Variants in MACROD2 observed in about 807,000 individuals in gnomAD.
MACROD2 encodes mono-ADP ribosylhydrolase 2.
A neutral mutation model predicts 70.4 loss-of-function variants in MACROD2; 36 were observed. That is an observed-to-expected ratio of 0.51 (90% CI 0.39 to 0.68). The LOEUF is 0.68. MACROD2 is among the 30% of genes least tolerant of loss of function. The pLI, the probability that MACROD2 is intolerant of heterozygous loss-of-function variation, is 0.00. For synonymous variants in MACROD2, 172 were observed against 178.8 expected (o/e 0.96, Z 0.30); for missense variants, 496 against 538.4 (o/e 0.92, Z 0.78).
At chr20:15,699,193 T>G (rs1384753930) in intron 8 of MACROD2, among the ~76,000 whole-genome samples, 1 of 152,198 alleles carries the variant, frequency 6.6e-6, no homozygotes, top group Admixed American at 6.5e-5. Flanking sequence ...TTCTGGTTCC[T>G]TCTCTGGGTA....
At chr20:15,572,522 T>C (rs1244996710) in intron 8 of MACROD2, among the ~76,000 whole-genome samples, 1 of 152,152 alleles carries the variant, frequency 6.6e-6, no homozygotes, top group Non-Finnish European at 1.5e-5. Context: ...TAAGAACTGC[T>C]GGTAAATTTA....
chr20:14,972,821 A>G (rs1157095089), intron 5 of MACROD2, among the ~76,000 whole-genome samples: 1 of 152,170 alleles, frequency 6.6e-6, no homozygotes, highest in Non-Finnish European at 1.5e-5. Flanking sequence ...ATTTAGCTTG[A>G]CACAGCTGAT....
At chr20:14,873,215 A>G (rs956088783) in intron 5 of MACROD2, among the ~76,000 whole-genome samples, 2 of 152,202 alleles carry the variant, frequency 1.3e-5, no homozygotes, top group African/African-American at 4.8e-5. Context: ...ACATGTTTTT[A>G]TCATCTAAAC....
In MACROD2 at chr20:14,684,976, A is replaced by G; in HGVS notation, c.418+17A>G. 1.3e-6 allele frequency: 2 copies of G among 1,586,488 alleles called. No homozygotes were observed. Among genetic ancestry groups the G allele is most frequent in the Non-Finnish European group, 1.7e-6 (2 of 1,155,392 alleles). Reference sequence around the variant, plus strand: ...CTGCAAAATGTGAGTACAACTGAATACTGTTTCAAAACCAGATGAGACATC... The same window carrying G: ...CTGCAAAATGTGAGTACAACTGAATGCTGTTTCAAAACCAGATGAGACATC... On this transcript the variant is annotated intron_variant, in intron 5 of 17. Coordinates refer to ENST00000684519, the MANE Select transcript of MACROD2 (RefSeq NM_001351661.2).
intron 8 of MACROD2, among the ~76,000 whole-genome samples, chr20:15,788,821 G>A (rs1600893697): frequency 6.6e-6 from 1 of 152,092 alleles, no homozygotes; most frequent in Non-Finnish European, 1.5e-5. Context: ...TATTATGAGG[G>A]CGTTTTAAAC....
intron 8 of MACROD2, among the ~76,000 whole-genome samples, chr20:15,553,443 A>G (rs1038012906): frequency 2.6e-5 from 4 of 152,174 alleles, no homozygotes; most frequent in African/African-American, 9.6e-5. Context: ...TTTGTTCGAG[A>G]TAGAGTCTCA....
At chr20:14,587,053 G>C (rs568728987) in intron 4 of MACROD2, among the ~76,000 whole-genome samples, 1 of 151,730 alleles carries the variant, frequency 6.6e-6, no homozygotes, top group East Asian at 1.9e-4. Context: ...ATAATATCAG[G>C]TTTTATTATT....
chr20:14,164,026 T>C (rs1418877322), intron 3 of MACROD2, among the ~76,000 whole-genome samples: 1 of 152,144 alleles, frequency 6.6e-6, no homozygotes, highest in Non-Finnish European at 1.5e-5. Context: ...TCATGTTTCA[T>C]GTGTCCTTAT....
chr20:15,707,303 G>A (rs1159054862), intron 8 of MACROD2, among the ~76,000 whole-genome samples: 3 of 152,146 alleles, frequency 2.0e-5, no homozygotes, highest in African/African-American at 7.2e-5. Flanking sequence ...TGTAACTAAA[G>A]TCCTGATAAC....
intron 5 of MACROD2, among the ~76,000 whole-genome samples, chr20:15,180,573 G>A (rs1170542935): frequency 6.6e-6 from 1 of 152,156 alleles, no homozygotes; most frequent in Non-Finnish European, 1.5e-5. Context: ...ATGTCACTGG[G>A]CCTTTGCATG....
chr20:16,035,586 G>T (rs1324161427), intron 15 of MACROD2, among the ~76,000 whole-genome samples: 1 of 151,942 alleles, frequency 6.6e-6, no homozygotes, highest in Non-Finnish European at 1.5e-5. Context: ...TAATTTCTAT[G>T]GGACAAAATT....
chr20:14,844,474 G>A (rs190120608), intron 5 of MACROD2, among the ~76,000 whole-genome samples: 8 of 151,714 alleles, frequency 5.3e-5, no homozygotes, highest in African/African-American at 7.3e-5. Context: ...CCAAGATGGC[G>A]CCACTGCACT....
intron 3 of MACROD2, among the ~76,000 whole-genome samples, chr20:14,226,945 C>A (rs558289370): frequency 6.6e-6 from 1 of 152,346 alleles, no homozygotes; most frequent in Admixed American, 6.5e-5. Context: ...GTGCAGGATC[C>A]ACTGGGCGAA....
rs528897057 is a variant in MACROD2, at chr20:15,885,635, G to A, written c.728-129G>A. The A allele has an allele frequency of 9.6e-6, 8 of 834,880 alleles. No individual in the cohort carries two copies. The South Asian group carries it at 2.2e-4, about 23-fold the overall frequency. 51.7% of individuals were successfully genotyped at this position (834,880 alleles called of 1,614,324 possible). ...TAATAATAAGACAACAGAAATGCATGTTTTAACAGTCTGTTTTCTACTGAT... is the reference window on the plus strand; with the variant it reads ...TAATAATAAGACAACAGAAATGCATATTTTAACAGTCTGTTTTCTACTGAT... On this transcript the variant is annotated intron_variant, in intron 9 of 17. Coordinates refer to ENST00000684519, the MANE Select transcript of MACROD2 (RefSeq NM_001351661.2).
chr20:15,317,399 A>G (rs6079748), intron 6 of MACROD2, among the ~76,000 whole-genome samples: 5,412 of 152,074 alleles, frequency 0.036, 130 homozygotes, highest in South Asian at 0.099. Context: ...ATGTAGCAAA[A>G]CTGACTCAAG....
chr20:15,340,208 G>A (rs1244727612), intron 6 of MACROD2, among the ~76,000 whole-genome samples: 33 of 131,184 alleles, frequency 2.5e-4, no homozygotes, highest in Non-Finnish European at 3.1e-4. Context: ...GCATGATCTC[G>A]GCTCACTGCA....
chr20:14,628,009 C>T (rs143833464), intron 4 of MACROD2, among the ~76,000 whole-genome samples: 1 of 152,132 alleles, frequency 6.6e-6, no homozygotes, highest in Non-Finnish European at 1.5e-5. Flanking sequence ...CAGAGCAACA[C>T]AGAGAAAAAT....
chr20:15,654,500 A>G (rs932410779), intron 8 of MACROD2, among the ~76,000 whole-genome samples: 12 of 152,206 alleles, frequency 7.9e-5, no homozygotes, highest in Non-Finnish European at 1.6e-4. Flanking sequence ...ATACACAATT[A>G]CAAGCCAAAG....
At chr20:15,080,806 A>G (rs2075697643) in intron 5 of MACROD2, among the ~76,000 whole-genome samples, 1 of 152,046 alleles carries the variant, frequency 6.6e-6, no homozygotes, top group African/African-American at 2.4e-5. Context: ...AAAAATTAGT[A>G]TCCTCTTTAA....
Sources: gnomAD v4.1 joint callset for allele counts (sites outside exome capture counted in the v4.1 genomes callset) on GRCh38, gnomAD v4.1.1 for gene constraint, MANE v1.5 for transcripts, NCBI Gene and HGNC (gene_info 2026-07-23, HGNC 2026-07-21) for gene names.